SUGCT: variants seen among roughly 807,000 people sequenced by gnomAD.
SUGCT encodes the protein succinyl-CoA:glutarate CoA-transferase.
In SUGCT, 41 loss-of-function variants were observed where a neutral mutation model predicts 55.0. The ratio of observed to expected loss-of-function variants is 0.74; its 90% CI spans 0.58 to 0.97. SUGCT has a LOEUF of 0.97. Among genes scored for constraint, SUGCT ranks in the 50% least tolerant of loss-of-function variants. The pLI is 0.00. For synonymous variants in SUGCT, 187 were observed against 200.4 expected (o/e 0.93, Z 0.56); for missense variants, 568 against 547.8 (o/e 1.04, Z -0.37).
chr7:40,657,733 G>A (rs533360962), intron 12 of SUGCT, among the ~76,000 whole-genome samples: 44 of 152,234 alleles, frequency 2.9e-4, no homozygotes, highest in East Asian at 7.7e-4. Flanking sequence ...ACGGGGTTTC[G>A]CCATGTTGGC....
intron 13 of SUGCT, among the ~76,000 whole-genome samples, chr7:40,820,016 A>C (rs570585713): frequency 6.6e-6 from 1 of 152,324 alleles, no homozygotes; most frequent in South Asian, 2.1e-4. Context: ...TAAATAGGGA[A>C]TCCTTCCCCC....
chr7:40,602,072 T>C (rs1297125887), intron 12 of SUGCT, among the ~76,000 whole-genome samples: 2 of 152,216 alleles, frequency 1.3e-5, no homozygotes, highest in Non-Finnish European at 2.9e-5. Context: ...GGTTTCACTT[T>C]AAGTAATCTC....
chr7:40,362,144 C>T (rs932050070), intron 9 of SUGCT, among the ~76,000 whole-genome samples: 2 of 152,184 alleles, frequency 1.3e-5, no homozygotes, highest in East Asian at 1.9e-4. Context: ...CCATGCCCGG[C>T]GCAGTGGCTA....
At position 40,817,015 on chromosome 7, in the gene SUGCT, G is replaced by A. The variant is rs187883698; in HGVS notation, c.1154-43301G>A. 1.2e-4 allele frequency among the ~76,000 whole-genome samples: 19 copies of A among 152,284 alleles called. No homozygotes were observed. The East Asian group carries it at 3.7e-3, about 29-fold the overall frequency. ...AAGTGTTTGTCTGTAGTGTCTTTGG[G>A]GAGAAGTTTGGAGATTACAAACCAA... On this transcript the variant is annotated intron_variant, in intron 13 of 13. Transcript: ENST00000335693.
At chr7:40,950,704 A>G in the SUGCT span, among the ~76,000 whole-genome samples, 1 of 152,174 alleles carries the variant, frequency 6.6e-6, no homozygotes, top group African/African-American at 2.4e-5. Flanking sequence ...TTCTGTATCT[A>G]TTGAGATAAT....
chr7:40,354,348 G>A (rs1583492988), intron 9 of SUGCT, among the ~76,000 whole-genome samples: 1 of 152,272 alleles, frequency 6.6e-6, no homozygotes, highest in African/African-American at 2.4e-5. Context: ...GAAAAGCAGG[G>A]ATCTGTCACC....
intron 13 of SUGCT, among the ~76,000 whole-genome samples, chr7:40,754,210 A>G (rs558913112): frequency 6.1e-4 from 93 of 152,318 alleles, no homozygotes; most frequent in African/African-American, 2.1e-3. Flanking sequence ...AGAGAGACAA[A>G]GAAAAATGAA....
intron 12 of SUGCT, among the ~76,000 whole-genome samples, chr7:40,584,803 T>C (rs1797290758): frequency 2.6e-5 from 4 of 152,172 alleles, no homozygotes; most frequent in Admixed American, 2.6e-4. Flanking sequence ...ACTGGATACT[T>C]TTCTCCTGCC....
chr7:40,759,659 A>G (rs1255111621), intron 13 of SUGCT, among the ~76,000 whole-genome samples: 1 of 151,778 alleles, frequency 6.6e-6, no homozygotes, highest in Non-Finnish European at 1.5e-5. Context: ...TTTTTACCTT[A>G]CTTACATTAG....
At chr7:40,713,256 C>T (rs1006692067) in intron 12 of SUGCT, among the ~76,000 whole-genome samples, 2 of 152,164 alleles carry the variant, frequency 1.3e-5, no homozygotes, top group Non-Finnish European at 2.9e-5. Context: ...GACCCTCTCC[C>T]AGAAAGGGCA....
intron 6 of SUGCT, among the ~76,000 whole-genome samples, chr7:40,200,783 T>G (rs998122081): frequency 6.6e-5 from 10 of 152,140 alleles, no homozygotes; most frequent in African/African-American, 2.4e-4. Context: ...GTTGACTGAC[T>G]TCATTATAGG....
the SUGCT span, among the ~76,000 whole-genome samples, chr7:40,949,606 T>C: frequency 6.6e-6 from 1 of 152,242 alleles, no homozygotes; most frequent in Admixed American, 6.5e-5. Flanking sequence ...TTTAAGTCTT[T>C]AATCCATCTT....
the SUGCT span, among the ~76,000 whole-genome samples, chr7:40,950,347 A>G: frequency 2.6e-5 from 4 of 152,188 alleles, no homozygotes. Context: ...CAGCTTAAGG[A>G]GATTTTGGGC....
At chr7:40,478,196 G>C (rs373092444) in intron 11 of SUGCT, among the ~76,000 whole-genome samples, 3 of 152,178 alleles carry the variant, frequency 2.0e-5, no homozygotes, top group East Asian at 1.9e-4. Flanking sequence ...TCCAGAGACA[G>C]GGTCTTGCTT....
At chr7:40,136,240 C>T (rs1052442810) in intron 1 of SUGCT, among the ~76,000 whole-genome samples, 10 of 152,110 alleles carry the variant, frequency 6.6e-5, no homozygotes, top group South Asian at 2.1e-4. Flanking sequence ...TCAAGTGATC[C>T]GCCTGCCTCT....
intron 12 of SUGCT, among the ~76,000 whole-genome samples, chr7:40,715,870 C>A (rs749225972): frequency 6.6e-6 from 1 of 152,150 alleles, no homozygotes; most frequent in African/African-American, 2.4e-5. Flanking sequence ...CCTCTTGGAC[C>A]ATAGTTTTCT....
chr7:40,838,938 G>A (rs1293508542), intron 13 of SUGCT, among the ~76,000 whole-genome samples: 3 of 144,360 alleles, frequency 2.1e-5, no homozygotes, highest in African/African-American at 7.5e-5. Context: ...TCTTCCTTTG[G>A]TGAGAGTTTT....
chr7:40,656,898 T>C (rs1025467095), intron 12 of SUGCT, among the ~76,000 whole-genome samples: 1 of 152,350 alleles, frequency 6.6e-6, no homozygotes, highest in East Asian at 1.9e-4. Flanking sequence ...AGTTAACATT[T>C]AGTTCACACA....
chr7:40,522,607 A>T lies in SUGCT; in HGVS notation c.1089+26221A>T, dbSNP rs17171723. Among the ~76,000 whole-genome samples the T allele has an allele frequency of 2.2e-3, 334 of 152,234 alleles. 10 individuals are homozygous for T. In the East Asian group the frequency reaches 0.059, roughly 27 times the overall value. On this transcript the variant is annotated intron_variant, in intron 12 of 13. Transcript: ENST00000335693. ...GCAAGAAAGAAATGTTAATTTGGAG[A>T]AAAAATTTTGTAGGAAATATGTAAT...
Sources: allele counts gnomAD v4.1 joint callset (sites outside exome capture counted in the v4.1 genomes callset), GRCh38; gene constraint gnomAD v4.1.1; transcripts MANE v1.5; gene names NCBI Gene and HGNC (gene_info 2026-07-23, HGNC 2026-07-21).